Variants in CNTN3 observed in about 807,000 individuals in gnomAD.
CNTN3 encodes contactin 3, also known as contactin-3.
In CNTN3, 60 loss-of-function variants were observed where a neutral mutation model predicts 119.1. That is an observed-to-expected ratio of 0.50 (90% CI 0.41 to 0.62). The LOEUF is 0.62. CNTN3 is among the 20% of genes least tolerant of loss of function. CNTN3 has a pLI of 0.00. For synonymous variants in CNTN3, 450 were observed against 438.7 expected, an observed-to-expected ratio of 1.03 and a Z score of -0.32; for missense variants, 1,101 against 1,242.4, an observed-to-expected ratio of 0.89 and a Z score of 1.71.
intron 2 of CNTN3, among the ~76,000 whole-genome samples, chr3:74,505,524 C>CACACACCACA (rs199530317): frequency 6.8e-6 from 1 of 147,016 alleles, no homozygotes; most frequent in South Asian, 2.2e-4. Flanking sequence ...CACACACACA[C>CACACACCACA]CACACATACA....
At chr3:74,325,009 G>A (rs1703094845) in intron 13 of CNTN3, among the ~76,000 whole-genome samples, 1 of 151,952 alleles carries the variant, frequency 6.6e-6, no homozygotes, top group African/African-American at 2.4e-5. Context: ...ATTAATACAT[G>A]TATTGAAATA....
chr3:74,433,833 A>G (rs974629713), intron 4 of CNTN3, among the ~76,000 whole-genome samples: 9 of 152,158 alleles, frequency 5.9e-5, no homozygotes, highest in Non-Finnish European at 1.3e-4. Context: ...AACCTTTGAA[A>G]TTATTGCTGT....
At chr3:74,501,303 A>G (rs1703162861) in intron 2 of CNTN3, among the ~76,000 whole-genome samples, 1 of 152,040 alleles carries the variant, frequency 6.6e-6, no homozygotes, top group Admixed American at 6.6e-5. Context: ...TCACACCTAC[A>G]TAATAAGGTC....
At chr3:74,422,817 C>T (rs1055606475) in intron 5 of CNTN3, among the ~76,000 whole-genome samples, 4 of 152,120 alleles carry the variant, frequency 2.6e-5, no homozygotes, top group African/African-American at 4.8e-5. Flanking sequence ...TTATTTATTT[C>T]TATCTAATAT....
chr3:74,298,544 G>T (rs1410186902), intron 17 of CNTN3, among the ~76,000 whole-genome samples: 1 of 150,496 alleles, frequency 6.6e-6, no homozygotes. Flanking sequence ...AATTCTTAAT[G>T]TTGACTTTAT....
intron 13 of CNTN3, among the ~76,000 whole-genome samples, chr3:74,305,371 A>G (rs1235912808): frequency 6.6e-6 from 1 of 152,164 alleles, no homozygotes; most frequent in Non-Finnish European, 1.5e-5. Flanking sequence ...CAGGACATAC[A>G]TATAATTTAT....
chr3:74,274,681 G>A (rs933173617), intron 20 of CNTN3, among the ~76,000 whole-genome samples: 1 of 152,072 alleles, frequency 6.6e-6, no homozygotes, highest in African/African-American at 2.4e-5. Flanking sequence ...CCTTCCCTCT[G>A]ACAGAGCCTA....
chr3:74,287,190 A>AT (rs1702131739), intron 19 of CNTN3, among the ~76,000 whole-genome samples: 1 of 152,168 alleles, frequency 6.6e-6, no homozygotes, highest in South Asian at 2.1e-4. Flanking sequence ...AGGCAATACA[A>AT]TTTTTTCCTT....
intron 4 of CNTN3, among the ~76,000 whole-genome samples, chr3:74,459,047 G>C (rs2106968066): frequency 6.6e-6 from 1 of 152,094 alleles, no homozygotes; most frequent in East Asian, 1.9e-4. Context: ...TTCATGTGAA[G>C]TTTGGCTGTC....
intron 4 of CNTN3, among the ~76,000 whole-genome samples, chr3:74,433,178 GA>G (rs1328038018): frequency 1.3e-5 from 2 of 152,154 alleles, no homozygotes; most frequent in Non-Finnish European, 2.9e-5. Context: ...CCATTTGAAA[GA>G]TGGGAGTCGG....
chr3:74,494,133 C>T (rs531213847), intron 3 of CNTN3, among the ~76,000 whole-genome samples: 6 of 152,188 alleles, frequency 3.9e-5, no homozygotes, highest in African/African-American at 1.4e-4. Context: ...CTCCTCTATT[C>T]TCCTTTAAAG....
intron 11 of CNTN3, among the ~76,000 whole-genome samples, chr3:74,343,683 C>T (rs1183272047): frequency 6.6e-6 from 1 of 152,204 alleles, no homozygotes; most frequent in Non-Finnish European, 1.5e-5. Flanking sequence ...ATCACGGTGT[C>T]TTGTCGTATC....
At chr3:74,575,268 T>C (rs1402395017) in intron 1 of CNTN3, among the ~76,000 whole-genome samples, 1 of 152,036 alleles carries the variant, frequency 6.6e-6, no homozygotes, top group Non-Finnish European at 1.5e-5. Flanking sequence ...AATATTTTTT[T>C]TGAGATGAAA....
chr3:74,369,390 C>T lies in CNTN3; in HGVS notation c.762-17G>A. 2 of 1,567,620 alleles carry T rather than the reference C, an allele frequency of 1.3e-6. No homozygotes were observed. The highest frequency in any genetic ancestry group is 2.4e-5 in the South Asian group (2 of 83,898). On this transcript the variant is annotated splice_polypyrimidine_tract_variant and intron_variant, in intron 7 of 22. Coordinates refer to ENST00000263665, the MANE Select transcript of CNTN3 (RefSeq NM_020872.3). ...GGTATGGGACTAAGAAGAAAATCGT[C>T]AAGTTGTCTGCTATTGTCTGGAAGC...
chr3:74,585,681 A>G (rs911268384), intron 1 of CNTN3, among the ~76,000 whole-genome samples: 5 of 152,168 alleles, frequency 3.3e-5, no homozygotes, highest in African/African-American at 1.2e-4. Flanking sequence ...GGCACACTGT[A>G]AAATTAAATT....
At position 74,329,218 on chromosome 3, in the gene CNTN3, T is replaced by C. The variant is rs150244633; in HGVS notation, c.1668+5517A>G. On this transcript the variant is annotated intron_variant, in intron 13 of 22. Coordinates refer to ENST00000263665, the MANE Select transcript of CNTN3 (RefSeq NM_020872.3). ...ATACATCAAATCTCAAGCTCATGTG[T>C]AGCTGCTGTAACTAGAGTGAAATTG... Among the ~76,000 whole-genome samples the C allele has an allele frequency of 9.1e-4, 138 of 152,300 alleles. 1 individual carries two copies. Among genetic ancestry groups the C allele is most frequent in the Middle Eastern group, 3.4e-3 (1 of 294 alleles).
chr3:74,485,345 T>G (rs912669612), intron 4 of CNTN3, among the ~76,000 whole-genome samples: 1 of 152,062 alleles, frequency 6.6e-6, no homozygotes, highest in African/African-American at 2.4e-5. Flanking sequence ...ACTAGTTGTA[T>G]AATATAAACA....
intron 1 of CNTN3, among the ~76,000 whole-genome samples, chr3:74,560,201 T>C (rs1469104215): frequency 2.0e-5 from 3 of 152,154 alleles, no homozygotes; most frequent in African/African-American, 7.2e-5. Flanking sequence ...CTTCCTCATC[T>C]CTAGAACAGG....
intron 11 of CNTN3, among the ~76,000 whole-genome samples, chr3:74,344,523 T>C (rs1348141760): frequency 1.4e-5 from 2 of 140,370 alleles, no homozygotes; most frequent in African/African-American, 5.4e-5. Flanking sequence ...CCTCCCGAGT[T>C]CACGCCATTC....
Sources: gnomAD v4.1 joint callset for allele counts (sites outside exome capture counted in the v4.1 genomes callset) on GRCh38, gnomAD v4.1.1 for gene constraint, MANE v1.5 for transcripts, NCBI Gene and HGNC (gene_info 2026-07-23, HGNC 2026-07-21) for gene names.